Variants in PARD3 observed in about 807,000 individuals in gnomAD.
The protein encoded by PARD3 is partitioning defective 3 homolog.
Under a neutral mutation model 155.4 loss-of-function variants are expected in PARD3, and 75 were observed. The observed-to-expected ratio is 0.48, with a 90% confidence interval of 0.40 to 0.58. PARD3 has a LOEUF of 0.58. Among genes scored for constraint, PARD3 ranks in the 20% least tolerant of loss-of-function variants. PARD3 has a pLI of 0.00. For missense variants in PARD3, 1,642 were observed against 1,721.7 expected, an observed-to-expected ratio of 0.95 and a Z score of 0.82; for synonymous variants, 576 against 610.5, an observed-to-expected ratio of 0.94 and a Z score of 0.83.
intron 2 of PARD3, among the ~76,000 whole-genome samples, chr10:34,613,221 GAAC>G (rs1393957896): frequency 1.1e-4 from 17 of 152,118 alleles, no homozygotes; most frequent in Admixed American, 6.6e-5. Flanking sequence ...ATAGCAAAGT[GAAC>G]AACAAATCAA....
chr10:34,427,126 G>C (rs2075651946), intron 5 of PARD3, among the ~76,000 whole-genome samples: 1 of 152,162 alleles, frequency 6.6e-6, no homozygotes, highest in African/African-American at 2.4e-5. Context: ...ATGTGTGTTT[G>C]AACAATATGA....
intron 2 of PARD3, among the ~76,000 whole-genome samples, chr10:34,522,693 T>A (rs1163762781): frequency 6.6e-6 from 1 of 152,182 alleles, no homozygotes; most frequent in Non-Finnish European, 1.5e-5. Flanking sequence ...AGAAAATGCA[T>A]GTTCAACATA....
chr10:34,504,227 C>G (rs747276281), intron 3 of PARD3, among the ~76,000 whole-genome samples: 27 of 151,850 alleles, frequency 1.8e-4, no homozygotes, highest in Non-Finnish European at 3.5e-4. Context: ...CTCCTTGGTT[C>G]AAACGAGCCA....
At chr10:34,802,054 TTAAA>T (rs1842881326) in intron 1 of PARD3, among the ~76,000 whole-genome samples, 2 of 152,210 alleles carry the variant, frequency 1.3e-5, no homozygotes, top group Non-Finnish European at 2.9e-5. Context: ...TTAATGTACT[TTAAA>T]TACAGCAAAT....
intron 18 of PARD3, 93 bp from the exon 19 acceptor site, chr10:34,331,437 T>C (rs1335873845): frequency 9.9e-6 from 7 of 706,368 alleles, no homozygotes; most frequent in East Asian, 2.7e-5. Flanking sequence ...TACATAACAA[T>C]TATTTGCTCA....
At chr10:34,606,415 C>A (rs1046371577) in intron 2 of PARD3, among the ~76,000 whole-genome samples, 2 of 152,064 alleles carry the variant, frequency 1.3e-5, no homozygotes, top group East Asian at 1.9e-4. Context: ...CTCCTCAAAT[C>A]TGCATGCTGT....
At chr10:34,176,937 G>A (rs1950054793) in intron 22 of PARD3, among the ~76,000 whole-genome samples, 1 of 130,660 alleles carries the variant, frequency 7.7e-6, no homozygotes, top group Non-Finnish European at 1.7e-5. Context: ...CCTTCCTTAG[G>A]AGAAGCAGGT....
intron 5 of PARD3, among the ~76,000 whole-genome samples, chr10:34,413,880 C>A (rs1004235837): frequency 6.6e-6 from 1 of 152,192 alleles, no homozygotes; most frequent in Non-Finnish European, 1.5e-5. Context: ...AAACTTGTGA[C>A]ACTAGTAATA....
chr10:34,376,755 G>T (rs1033907941), intron 10 of PARD3, among the ~76,000 whole-genome samples: 3 of 151,756 alleles, frequency 2.0e-5, no homozygotes, highest in African/African-American at 4.9e-5. Flanking sequence ...TTCTTTAGGA[G>T]AACTCAATCT....
intron 1 of PARD3, among the ~76,000 whole-genome samples, chr10:34,736,578 A>AT (rs1262573109): frequency 1.3e-5 from 2 of 152,140 alleles, no homozygotes; most frequent in Non-Finnish European, 2.9e-5. Flanking sequence ...GTCTGTGTTC[A>AT]TAAAGAAAGT....
intron 14 of PARD3, among the ~76,000 whole-genome samples, chr10:34,355,686 T>C (rs1453919148): frequency 6.6e-6 from 1 of 152,018 alleles, no homozygotes; most frequent in East Asian, 1.9e-4. Flanking sequence ...TCCAGCACTT[T>C]GGGAGGCCAA....
At chr10:34,321,568 C>T (rs1205695663) in intron 19 of PARD3, among the ~76,000 whole-genome samples, 1 of 152,158 alleles carries the variant, frequency 6.6e-6, no homozygotes, top group Non-Finnish European at 1.5e-5. Flanking sequence ...ATGTGATTAC[C>T]TATAAAGATA....
At chr10:34,723,012 A>T (rs751160216) in intron 1 of PARD3, among the ~76,000 whole-genome samples, 3 of 152,136 alleles carry the variant, frequency 2.0e-5, no homozygotes, top group African/African-American at 4.8e-5. Context: ...ATTGTAGTAT[A>T]TTTGAAATTT....
At chr10:34,455,947 A>C (rs908331238) in intron 4 of PARD3, among the ~76,000 whole-genome samples, 30 of 152,218 alleles carry the variant, frequency 2.0e-4, no homozygotes, top group African/African-American at 6.3e-4. Context: ...TCCAGCACAT[A>C]ATCAGCACTG....
At chr10:34,476,057 A>C (rs2078685310) in intron 3 of PARD3, among the ~76,000 whole-genome samples, 1 of 152,100 alleles carries the variant, frequency 6.6e-6, no homozygotes, top group South Asian at 2.1e-4. Context: ...AGGAGGCTGA[A>C]GCAGAAGGAT....
intron 15 of PARD3, chr10:34,343,278 T>C: frequency 1.2e-6 from 1 of 862,524 alleles, no homozygotes; most frequent in Non-Finnish European, 1.4e-6. Flanking sequence ...TATTACAGTA[T>C]AATCATAGTG....
chr10:34,718,937 T>TG (rs1216901106), intron 1 of PARD3, among the ~76,000 whole-genome samples: 1 of 151,890 alleles, frequency 6.6e-6, no homozygotes, highest in East Asian at 1.9e-4. Context: ...CACTCAAGCC[T>TG]GGGGGACAAG....
At chr10:34,789,208 C>A (rs1841350854) in intron 1 of PARD3, among the ~76,000 whole-genome samples, 1 of 152,182 alleles carries the variant, frequency 6.6e-6, no homozygotes, top group African/African-American at 2.4e-5. Flanking sequence ...AGGAAAATGG[C>A]TGGAGCCCAG....
chr10:34,582,795 A>C (rs541284223), intron 2 of PARD3, among the ~76,000 whole-genome samples: 1 of 152,356 alleles, frequency 6.6e-6, no homozygotes, highest in South Asian at 2.1e-4. Flanking sequence ...CTGTTTTCGC[A>C]TGAGCTTTAA....
Sources: gnomAD v4.1 joint callset for allele counts (sites outside exome capture counted in the v4.1 genomes callset) on GRCh38, gnomAD v4.1.1 for gene constraint, MANE v1.5 for transcripts, NCBI Gene and HGNC (gene_info 2026-07-23, HGNC 2026-07-21) for gene names.